The following DDX19A variants were observed in gnomAD, a reference collection of about 807,000 sequenced individuals.
The protein encoded by DDX19A is ATP-dependent RNA helicase DDX19A.
DDX19A carries 12 observed loss-of-function variants against 60.6 expected under a neutral mutation model. The ratio of observed to expected loss-of-function variants is 0.20; its 90% confidence interval spans 0.13 to 0.32. DDX19A has a LOEUF of 0.32. DDX19A is among the 10% of genes least tolerant of loss of function. The pLI is 1.00. For missense variants in DDX19A, 337 were observed against 600.6 expected (o/e 0.56, Z 4.59); for synonymous variants, 206 against 218.2 (o/e 0.94, Z 0.49).
At chr16:70,364,949 T>C in intron 6 of DDX19A, 68 bp from the exon 7 acceptor site, 1 of 1,200,928 alleles carries the variant, frequency 8.3e-7, no homozygotes, top group Non-Finnish European at 1.2e-6. Flanking sequence ...AACATCAGCA[T>C]ACTGGGTGCC....
chr16:70,360,737 A>G (rs1964340433), intron 4 of DDX19A: 1 of 152,320 alleles, frequency 6.6e-6, no homozygotes, highest in Non-Finnish European at 1.5e-5. Flanking sequence ...TCTTAGCAGT[A>G]TAGTAAATAG....
intron 2 of DDX19A, among the ~76,000 whole-genome samples, chr16:70,353,216 G>A (rs142837555): frequency 6.6e-6 from 1 of 151,818 alleles, no homozygotes; most frequent in Non-Finnish European, 1.5e-5. Context: ...CCAGGTTCAA[G>A]CAATTCTTCT....
chr16:70,347,708 G>A (rs757438988), intron 1 of DDX19A, among the ~76,000 whole-genome samples: 50 of 151,790 alleles, frequency 3.3e-4, no homozygotes, highest in Middle Eastern at 6.8e-3. Context: ...TTTCTCTTTT[G>A]AGGCAGAGTT....
In DDX19A at chr16:70,372,163, C is replaced by A. The variant is rs1597545934; in HGVS notation, c.*177C>A. ...AAAAATAGGTGCAAATGATGGGGGGCAATAGAAGAAAAAATTTGCATTTTG... is the reference window on the plus strand; with the variant it reads ...AAAAATAGGTGCAAATGATGGGGGGAAATAGAAGAAAAAATTTGCATTTTG... On this transcript the variant is annotated 3_prime_UTR_variant, in exon 12 of 12. Coordinates refer to ENST00000302243, the MANE Select transcript of DDX19A (RefSeq NM_018332.5). The A allele has an allele frequency of 9.4e-7, 1 of 1,068,842 alleles. No homozygotes were observed. The highest frequency in any genetic ancestry group is 1.4e-6 in the Non-Finnish European group (1 of 739,206). 66.2% of individuals were successfully genotyped at this position (1,068,842 alleles called of 1,614,324 possible). A position where few individuals can be genotyped will look rare whatever the true frequency, so the allele number is the denominator to read the frequency against.
intron 5 of DDX19A, among the ~76,000 whole-genome samples, chr16:70,362,065 C>T (rs1016194610): frequency 6.6e-6 from 1 of 151,578 alleles, no homozygotes; most frequent in Non-Finnish European, 1.5e-5. Context: ...GTCCCAGCTA[C>T]TCAGGAGGCT....
At chr16:70,364,461 T>A (rs906274721) in intron 5 of DDX19A, 82 bp from the exon 6 acceptor site, 15 of 1,060,826 alleles carry the variant, frequency 1.4e-5, no homozygotes, top group South Asian at 1.1e-4. Flanking sequence ...GGGGGAAATA[T>A]GCCTTTCATT....
chr16:70,372,334 A>G lies in DDX19A; in HGVS notation c.*348A>G. On this transcript the variant is annotated 3_prime_UTR_variant, in exon 12 of 12. Coordinates refer to ENST00000302243, the MANE Select transcript of DDX19A (RefSeq NM_018332.5). ...ACCAGCTCCAGCCCCTGAAGAAACG[A>G]TAGATGTGCAGGTTGTGCGGAAGAG... 1 of 394,528 alleles carries G rather than the reference A, an allele frequency of 2.5e-6. No homozygotes were observed. The highest frequency in any genetic ancestry group is 2.5e-5 in the South Asian group (1 of 40,808). The allele number at this position is 394,528 out of a possible 1,614,324, so 24.4% of individuals were successfully genotyped here.
chr16:70,358,731 C>T (rs761318927), intron 4 of DDX19A, among the ~76,000 whole-genome samples: 23 of 152,018 alleles, frequency 1.5e-4, no homozygotes, highest in Non-Finnish European at 2.2e-4. Flanking sequence ...CTTGTAGTCC[C>T]GGCTACTCAG....
intron 8 of DDX19A, 154 bp from the exon 9 acceptor site, chr16:70,366,470 C>G (rs1213351353): frequency 2.4e-6 from 3 of 1,263,656 alleles, no homozygotes; most frequent in African/African-American, 1.5e-5. Flanking sequence ...CTTCCCCAAC[C>G]CTTGTCCCCA....
intron 2 of DDX19A, among the ~76,000 whole-genome samples, chr16:70,351,372 A>G (rs1053675749): frequency 2.0e-5 from 3 of 150,270 alleles, no homozygotes; most frequent in African/African-American, 7.4e-5. Flanking sequence ...CACCTGGCTA[A>G]TTTTTTATAT....
At chr16:70,365,349 G>T (rs530930838) in intron 7 of DDX19A, 3 of 377,828 alleles carry the variant, frequency 7.9e-6, no homozygotes, top group East Asian at 5.0e-5. Context: ...AAAAATCCAC[G>T]CATGGCTCAC....
chr16:70,367,949 A>G (rs901241955), intron 9 of DDX19A, among the ~76,000 whole-genome samples: 11 of 151,732 alleles, frequency 7.2e-5, no homozygotes, highest in Admixed American at 3.9e-4. Flanking sequence ...GCCAAGGTAG[A>G]AGGATTGCTT....
intron 1 of DDX19A, among the ~76,000 whole-genome samples, chr16:70,349,909 T>C (rs1963961599): frequency 6.6e-6 from 1 of 152,228 alleles, no homozygotes; most frequent in Non-Finnish European, 1.5e-5. Flanking sequence ...ACCTTTTTTT[T>C]CACCATGTAG....
intron 9 of DDX19A, 34 bp downstream of exon 9, chr16:70,366,895 T>G: frequency 6.2e-7 from 1 of 1,612,622 alleles, no homozygotes; most frequent in Admixed American, 1.7e-5. Flanking sequence ...GCCTGGCCCC[T>G]CCCTCTCAGC....
intron 1 of DDX19A, among the ~76,000 whole-genome samples, chr16:70,348,564 T>C (rs1380513234): frequency 6.7e-6 from 1 of 148,828 alleles, no homozygotes; most frequent in Non-Finnish European, 1.5e-5. Flanking sequence ...GAGGTGGAGG[T>C]TGCAGTGAGC....
Position 70,365,051 on chromosome 16 carries a change from T to C in DDX19A, c.524T>C (p.Leu175Pro), listed in dbSNP as rs756888308. 6.2e-7 allele frequency: 1 copy of C among 1,614,210 alleles called. No homozygotes were observed. The change falls in exon 7 of 12, where the codon CTT (leucine) becomes CCT (proline). Residue 175 changes from leucine (L) to proline (P), a missense_variant. Leu to Pro is a moderately conservative substitution (Grantham distance 98, BLOSUM62 -3). Transcript: ENST00000302243. ...CTCTCCCCAACATATGAGCTGGCGC[T>C]TCAAACAGGAAAAGTGATTGAGCAG... ...LCLSPTYELALQTGKVIEQMG... is the reference protein window; with the variant it reads ...LCLSPTYELAPQTGKVIEQMG...
intron 5 of DDX19A, chr16:70,363,300 G>A (rs12102803): frequency 0.58 from 87,151 of 151,270 alleles, 26,414 homozygotes; most frequent in African/African-American, 0.78. Context: ...GATTACAGGC[G>A]CACACCACCA....
At position 70,366,137 on chromosome 16, in the gene DDX19A, C is replaced by T. The variant is rs199645926; in HGVS notation, c.657C>T (p.Thr219=). ...SEQIVIGTPG[T]VLDWCSKLKF... ...AGATTGTCATTGGCACCCCTGGGAC[C>T]GTGCTGGACTGGTGCTCCAAGCTCA... is the stretch of plus-strand genomic sequence containing the variant. Residue 219 remains threonine (T), a synonymous_variant, in exon 8 of 12, where the codon ACC becomes ACT. Coordinates refer to ENST00000302243, the MANE Select transcript of DDX19A (RefSeq NM_018332.5). The T allele has an allele frequency of 6.2e-5, 100 of 1,614,098 alleles. 1 individual carries two copies. Among genetic ancestry groups the T allele is most frequent in the South Asian group, 3.3e-4 (30 of 91,078 alleles).
At chr16:70,347,772 C>T (rs58295752) in intron 1 of DDX19A, 4 of 213,564 alleles carry the variant, frequency 1.9e-5, no homozygotes, top group African/African-American at 9.5e-5. Flanking sequence ...CTCACCGCAA[C>T]CTCCGCCTCC....
Sources: gnomAD v4.1 joint callset for allele counts (sites outside exome capture counted in the v4.1 genomes callset) on GRCh38, gnomAD v4.1.1 for gene constraint, MANE v1.5 for transcripts, NCBI Gene and HGNC (gene_info 2026-07-23, HGNC 2026-07-21) for gene names.